The following PPM1B variants were observed in gnomAD, a reference collection of about 807,000 sequenced individuals.
PPM1B encodes the protein protein phosphatase 1B.
Under a neutral mutation model 43.0 loss-of-function variants are expected in PPM1B, and 22 were observed. The observed-to-expected ratio is 0.51, with a 90% confidence interval of 0.37 to 0.73. The LOEUF is 0.73. Ranked by LOEUF, PPM1B falls within the 30% of genes least tolerant of loss-of-function variation. The probability of loss-of-function intolerance (pLI) is 0.00; values close to 1 mark genes in which losing one functional copy is unlikely to be tolerated. For missense variants in PPM1B, 632 were observed against 584.2 expected (o/e 1.08, Z -0.84); for synonymous variants, 217 against 197.9 (o/e 1.10, Z -0.81).
chr2:44,203,443 A>G (rs963584505), intron 2 of PPM1B, among the ~76,000 whole-genome samples: 2 of 150,314 alleles, frequency 1.3e-5, no homozygotes, highest in African/African-American at 2.4e-5. Context: ...TTGCCTGACT[A>G]GCTAATGAAA....
chr2:44,212,903 C>T (rs1161661570), intron 3 of PPM1B, among the ~76,000 whole-genome samples: 2 of 151,582 alleles, frequency 1.3e-5, no homozygotes, highest in African/African-American at 4.8e-5. Context: ...GTCCCAGCTA[C>T]TCAGGAGGCT....
At chr2:44,176,183 T>C (rs994062737) in intron 1 of PPM1B, among the ~76,000 whole-genome samples, 12 of 152,286 alleles carry the variant, frequency 7.9e-5, no homozygotes, top group East Asian at 3.9e-4. Context: ...CCATTTACTG[T>C]ACATCCTTGG....
chr2:44,189,527 G>T (rs1220929694), intron 1 of PPM1B, among the ~76,000 whole-genome samples: 1 of 151,150 alleles, frequency 6.6e-6, no homozygotes, highest in African/African-American at 2.5e-5. Context: ...GCAATGGCGC[G>T]ATCTCAGCTC....
At chr2:44,240,192 T>G (rs1164809894) in intron 5 of PPM1B, among the ~76,000 whole-genome samples, 1 of 145,894 alleles carries the variant, frequency 6.9e-6, no homozygotes. Flanking sequence ...TTCCTTCTAA[T>G]AAAATGCAAC....
chr2:44,244,613 G>A (rs1483184771), downstream of PPM1B, among the ~76,000 whole-genome samples: 1 of 151,890 alleles, frequency 6.6e-6, no homozygotes, highest in African/African-American at 2.4e-5. Flanking sequence ...GAAGTTACTG[G>A]ATTTCTAAAC....
chr2:44,235,914 C>G (rs114537302), downstream of PPM1B, among the ~76,000 whole-genome samples: 889 of 151,838 alleles, frequency 5.9e-3, 2 homozygotes, highest in African/African-American at 0.02. Flanking sequence ...AAATATATGT[C>G]TCTTTTATAT....
downstream of PPM1B, among the ~76,000 whole-genome samples, chr2:44,235,240 T>G (rs974805401): frequency 6.6e-6 from 1 of 152,214 alleles, no homozygotes; most frequent in African/African-American, 2.4e-5. Flanking sequence ...AATTAGTCAT[T>G]TGGAAAATAC....
chr2:44,227,818 C>G (rs985378692), intron 5 of PPM1B, among the ~76,000 whole-genome samples: 1 of 151,940 alleles, frequency 6.6e-6, no homozygotes, highest in Non-Finnish European at 1.5e-5. Flanking sequence ...CTGTGCCCGG[C>G]CCAGTATCAT....
chr2:44,239,437 C>A (rs1012793151), downstream of PPM1B, among the ~76,000 whole-genome samples: 2 of 143,176 alleles, frequency 1.4e-5, no homozygotes, highest in African/African-American at 4.9e-5. Flanking sequence ...GACTGTTTTT[C>A]TTTTTTTCTT....
chr2:44,230,636 A>G lies in PPM1B; in HGVS notation c.1358A>G (p.His453Arg), dbSNP rs764446428. 1.2e-6 allele frequency: 2 copies of G among 1,614,228 alleles called. No homozygotes were observed. Among genetic ancestry groups the G allele is most frequent in the South Asian group, 1.1e-5 (1 of 91,090 alleles). Residue 453 changes from histidine to arginine, a missense_variant, in exon 6 of 6, where the codon CAT becomes CGT. Transcript: ENST00000282412. ...AACCCAGTGACAATGCAGGAAAGCC[A>G]TACTGAATCAGAAAGTGGTCTTGCT... ...AGNPVTMQES[H>R]TESESGLAEL...
chr2:44,241,577 C>G lies in PPM1B; in HGVS notation n.1547-2651C>G, dbSNP rs1344136642. Among the ~76,000 whole-genome samples, 5 of 141,516 alleles carry G rather than the reference C, an allele frequency of 3.5e-5. 1 individual carries two copies. The highest frequency in any genetic ancestry group is 5.2e-4 in the South Asian group (2 of 3,826). 92.8% of individuals were successfully genotyped at this position (141,516 alleles called of 152,430 possible). Reference sequence around the variant, plus strand: ...TGAAACCCCATCTCTACTAAAAATACAAAAATTAGCCAGGCGTGGTGGTGT... The same window carrying G: ...TGAAACCCCATCTCTACTAAAAATAGAAAAATTAGCCAGGCGTGGTGGTGT... On this transcript the variant is annotated intron_variant and non_coding_transcript_variant, in intron 5 of 5. Transcript: ENST00000378540.
intron 1 of PPM1B, among the ~76,000 whole-genome samples, chr2:44,194,694 G>T (rs1009163969): frequency 1.3e-5 from 2 of 151,626 alleles, no homozygotes; most frequent in East Asian, 3.9e-4. Context: ...CTGCACTCCA[G>T]CCTGGGCGAC....
At chr2:44,236,357 C>A (rs545159507), downstream of PPM1B, among the ~76,000 whole-genome samples, 1 of 138,008 alleles carries the variant, frequency 7.2e-6, no homozygotes, top group African/African-American at 2.7e-5. Flanking sequence ...GAGCCGAGAT[C>A]GCGCCACTGC....
intron 1 of PPM1B, 103 bp downstream of exon 1, chr2:44,169,377 CG>C: frequency 6.6e-6 from 1 of 152,418 alleles, no homozygotes; most frequent in Non-Finnish European, 1.5e-5. Context: ...GAGCCGCGGC[CG>C]GGGCCTCTGT....
chr2:44,204,317 G>T (rs987567873), intron 2 of PPM1B, among the ~76,000 whole-genome samples: 1 of 152,138 alleles, frequency 6.6e-6, no homozygotes, highest in Non-Finnish European at 1.5e-5. Flanking sequence ...CAGAAAAATT[G>T]TAAGTTAAAA....
At chr2:44,237,389 T>C (rs1345386259), downstream of PPM1B, among the ~76,000 whole-genome samples, 2 of 152,228 alleles carry the variant, frequency 1.3e-5, no homozygotes, top group Non-Finnish European at 2.9e-5. Flanking sequence ...CTGCTGGCTT[T>C]TCTGGCTGTG....
chr2:44,177,254 T>C (rs1382901358), intron 1 of PPM1B, among the ~76,000 whole-genome samples: 5 of 152,162 alleles, frequency 3.3e-5, no homozygotes, highest in Non-Finnish European at 2.9e-5. Context: ...AAAAACAACC[T>C]TACTTGAATT....
intron 1 of PPM1B, among the ~76,000 whole-genome samples, chr2:44,192,713 C>T (rs1275271359): frequency 6.6e-6 from 1 of 152,182 alleles, no homozygotes; most frequent in African/African-American, 2.4e-5. Flanking sequence ...ACCAACATCT[C>T]CCCATTTTGC....
chr2:44,212,118 A>G (rs1044428616), intron 3 of PPM1B, among the ~76,000 whole-genome samples: 1 of 152,144 alleles, frequency 6.6e-6, no homozygotes, highest in Non-Finnish European at 1.5e-5. Context: ...CTGTTTGTTT[A>G]TATGAGCACA....
Sources: allele counts gnomAD v4.1 joint callset (sites outside exome capture counted in the v4.1 genomes callset), GRCh38; gene constraint gnomAD v4.1.1; transcripts MANE v1.5; gene names NCBI Gene and HGNC (gene_info 2026-07-23, HGNC 2026-07-21).